Variants in BPIFC observed in about 807,000 individuals in gnomAD.
BPIFC encodes the protein BPI fold containing family C.
Under a neutral mutation model 57.6 loss-of-function variants are expected in BPIFC, and 60 were observed. The observed-to-expected ratio is 1.04, with a 90% CI of 0.85 to 1.29. BPIFC has a LOEUF of 1.29. Ranked by LOEUF, BPIFC falls within the 50% of genes most tolerant of loss-of-function variation. BPIFC has a pLI of 0.00. For missense variants in BPIFC, 581 were observed against 600.5 expected (o/e 0.97, Z 0.34); for synonymous variants, 243 against 224.5 (o/e 1.08, Z -0.74).
At chr22:32,417,177 T>G in intron 14 of BPIFC, 29 bp from the exon 15 acceptor site, 1 of 1,452,636 alleles carries the variant, frequency 6.9e-7, no homozygotes, top group Non-Finnish European at 9.5e-7. Context: ...TAGAATCAAT[T>G]GGCAGATCGG....
chr22:32,457,181 C>T (rs1935055608), intron 3 of BPIFC, 82 bp downstream of exon 3: 1 of 1,473,850 alleles, frequency 6.8e-7, no homozygotes, highest in South Asian at 1.5e-5. Flanking sequence ...CAGGAGACAG[C>T]CCATGTTATG....
At chr22:32,427,031 T>C (rs1270267083) in intron 13 of BPIFC, among the ~76,000 whole-genome samples, 1 of 152,092 alleles carries the variant, frequency 6.6e-6, no homozygotes, top group East Asian at 1.9e-4. Context: ...GCACCAGAAG[T>C]CTGCCCAGCG....
chr22:32,416,110 G>C, intron 15 of BPIFC, 119 bp from the exon 16 acceptor site: 1 of 553,578 alleles, frequency 1.8e-6, no homozygotes, highest in Non-Finnish European at 2.9e-6. Context: ...ATGGAGTTTT[G>C]CTCTTGTTGC....
chr22:32,414,094 G>A lies in BPIFC; in HGVS notation c.*209C>T. 1 of 442,774 alleles carries A rather than the reference G, an allele frequency of 2.3e-6. No homozygotes were observed. The highest frequency in any genetic ancestry group is 4.0e-6 in the Non-Finnish European group (1 of 252,498). The allele number at this position is 442,774 out of a possible 1,614,324, so 27.4% of individuals were successfully genotyped here. A position where few individuals can be genotyped will look rare whatever the true frequency, so the allele number is the denominator to read the frequency against. On this transcript the variant is annotated 3_prime_UTR_variant, in exon 17 of 17. Transcript: ENST00000300399. ...ACATAAACACAGACACACGCAGCATGCATACACTCACATTCAGACACCTCT... is the reference window on the plus strand; with the variant it reads ...ACATAAACACAGACACACGCAGCATACATACACTCACATTCAGACACCTCT...
chr22:32,450,643 T>G (rs1934871050), intron 4 of BPIFC, among the ~76,000 whole-genome samples: 1 of 152,052 alleles, frequency 6.6e-6, no homozygotes, highest in Non-Finnish European at 1.5e-5. Flanking sequence ...GTATGTATCT[T>G]ATACTCATGA....
intron 11 of BPIFC, 113 bp from the exon 12 acceptor site, chr22:32,432,656 GA>G (rs549467670): frequency 8.0e-6 from 8 of 997,520 alleles, no homozygotes; most frequent in Non-Finnish European, 7.3e-6. Context: ...AGTTAGAATA[GA>G]AAAAAAGCTC....
rs1230236240 is a variant in BPIFC at position 32,457,250 on chromosome 22, A to G, written c.124+13T>C. The G allele has an allele frequency of 3.8e-6, 6 of 1,586,720 alleles. No homozygotes were observed. The highest frequency in any genetic ancestry group is 5.1e-6 in the Non-Finnish European group (6 of 1,172,988). On this transcript the variant is annotated intron_variant, in intron 3 of 16. Coordinates refer to ENST00000300399, the MANE Select transcript of BPIFC (RefSeq NM_174932.3). ...TGGGCCTGAGGTCTGGCTTCTGAAA[A>G]CATCCAACTCACCATAGTCAAGTGC... is the stretch of plus-strand genomic sequence containing the variant.
chr22:32,420,757 C>T (rs898135337), intron 13 of BPIFC, among the ~76,000 whole-genome samples: 1 of 152,144 alleles, frequency 6.6e-6, no homozygotes, highest in African/African-American at 2.4e-5. Context: ...ATAATAGACA[C>T]GCTAATTGCC....
At position 32,427,041 on chromosome 22, in the gene BPIFC, G is replaced by A. The variant is rs533573041; in HGVS notation, c.1217+4306C>T. 3.9e-5 allele frequency among the ~76,000 whole-genome samples: 6 copies of A among 152,284 alleles called. No homozygotes were observed. The East Asian group carries it at 7.7e-4, about 20-fold the overall frequency. The stretch of plus-strand genomic sequence containing the variant: ...TCAGAGCACCAGAAGTCTGCCCAGC[G>A]GAGAATTTCCAGGAGACTGCTGGGC... On this transcript the variant is annotated intron_variant, in intron 13 of 16. Coordinates refer to ENST00000300399, the MANE Select transcript of BPIFC (RefSeq NM_174932.3).
At chr22:32,457,471 A>C (rs1160931388) in intron 2 of BPIFC, 85 bp from the exon 3 acceptor site, 286 of 1,493,498 alleles carry the variant, frequency 1.9e-4, no homozygotes, top group Non-Finnish European at 2.3e-4. Context: ...AGATTTTCTC[A>C]TTTTTACTGT....
rs541612039 is a variant in BPIFC at position 32,444,870 on chromosome 22, C to G, written c.594+765G>C. Among the ~76,000 whole-genome samples the G allele has an allele frequency of 4.2e-4, 64 of 152,214 alleles. No homozygotes were observed. In the South Asian group the frequency reaches 4.4e-3, roughly 10 times the overall value. ...AACCTCTCCTGCTCAATCTAATGAT[C>G]GTGTAACTGTATACTAAATTCAAGT... is the stretch of plus-strand genomic sequence containing the variant. On this transcript the variant is annotated intron_variant, in intron 7 of 16. Coordinates refer to ENST00000300399, the MANE Select transcript of BPIFC (RefSeq NM_174932.3).
chr22:32,457,664 C>T (rs994032404), intron 2 of BPIFC, among the ~76,000 whole-genome samples: 25 of 152,020 alleles, frequency 1.6e-4, no homozygotes, highest in Non-Finnish European at 3.1e-4. Flanking sequence ...AGCATGTGTT[C>T]TAGGTGCTAA....
intron 12 of BPIFC, among the ~76,000 whole-genome samples, chr22:32,431,651 C>T (rs562968214): frequency 1.6e-4 from 24 of 151,634 alleles, no homozygotes; most frequent in African/African-American, 4.8e-4. Context: ...TTCTCCTAAT[C>T]GCTCTTCTTT....
Position 32,414,071 on chromosome 22 carries a change from A to G in BPIFC, c.*232T>C, listed in dbSNP as rs1020977383. 3 of 335,350 alleles carry G rather than the reference A, an allele frequency of 8.9e-6. No homozygotes were observed. The highest frequency in any genetic ancestry group is 1.6e-5 in the Non-Finnish European group (3 of 188,222). The allele number at this position is 335,350 out of a possible 1,614,324, so 20.8% of individuals were successfully genotyped here. The stretch of plus-strand genomic sequence containing the variant: ...TCTTGCCCCAAACAAACAAACAAAC[A>G]TAAACACAGACACACGCAGCATGCA... On this transcript the variant is annotated 3_prime_UTR_variant, in exon 17 of 17. Coordinates refer to ENST00000300399, the MANE Select transcript of BPIFC (RefSeq NM_174932.3).
In BPIFC at chr22:32,453,596, A is replaced by T. The variant is rs73404923; in HGVS notation, c.125-93T>A. 424 of 1,404,602 alleles carry T rather than the reference A, an allele frequency of 3.0e-4. 3 individuals are homozygous for T. The African/African-American group carries it at 5.7e-3, about 19-fold the overall frequency. 87.0% of individuals were successfully genotyped at this position (1,404,602 alleles called of 1,614,324 possible). A position where few individuals can be genotyped will look rare whatever the true frequency, so the allele number is the denominator to read the frequency against. ...ACACAAATACAATTTATTGAGTGAGACATGCCCTTAGATACTTAGAAAATG... is the reference window on the plus strand; with the variant it reads ...ACACAAATACAATTTATTGAGTGAGTCATGCCCTTAGATACTTAGAAAATG... On this transcript the variant is annotated intron_variant, in intron 3 of 16. Coordinates refer to ENST00000300399, the MANE Select transcript of BPIFC (RefSeq NM_174932.3).
chr22:32,421,001 TATAAC>T (rs1025992259), intron 13 of BPIFC, among the ~76,000 whole-genome samples: 1 of 152,228 alleles, frequency 6.6e-6, no homozygotes, highest in African/African-American at 2.4e-5. Flanking sequence ...TGCTAACAGT[TATAAC>T]AGCACATAAT....
Position 32,437,821 on chromosome 22 carries a change from A to G in BPIFC, c.686T>C (p.Leu229Pro). 1 of 1,612,176 alleles carries G rather than the reference A, an allele frequency of 6.2e-7. No homozygotes were observed. Among genetic ancestry groups the G allele is most frequent in the Non-Finnish European group, 8.5e-7 (1 of 1,178,346 alleles). ...TGGAGAACTGATTAGGGAGTAATCC[A>G]GCAGAGTGTAGTTGTCAATCTTGGT... ...VLTKIDNYTL[L>P]DYSLISSPEI... The change falls in exon 9 of 17, where the codon CTG becomes CCG. Residue 229 changes from leucine to proline, a missense_variant. Physicochemically the swap from Leu to Pro is moderately conservative, Grantham distance 98. Transcript: ENST00000300399.
intron 13 of BPIFC, among the ~76,000 whole-genome samples, chr22:32,425,118 C>T (rs1439173001): frequency 1.3e-5 from 2 of 152,092 alleles, no homozygotes; most frequent in East Asian, 1.9e-4. Context: ...TTCACTACAT[C>T]AAAGGCAGTA....
At position 32,440,280 on chromosome 22, in the gene BPIFC, G is replaced by A. The variant is rs185943542; in HGVS notation, c.655+2391C>T. 1.2e-3 allele frequency among the ~76,000 whole-genome samples: 181 copies of A among 151,626 alleles called. 1 individual carries two copies. The highest frequency in any genetic ancestry group is 3.4e-3 in the African/African-American group (140 of 41,434). On this transcript the variant is annotated intron_variant, in intron 8 of 16. Coordinates refer to ENST00000300399, the MANE Select transcript of BPIFC (RefSeq NM_174932.3). ...CCTCCCTGTAGCTGGGACTAAAGGC[G>A]CACGCCACCATGCCTGGCTAATTAA...
Sources: gnomAD v4.1 joint callset for allele counts (sites outside exome capture counted in the v4.1 genomes callset) on GRCh38, gnomAD v4.1.1 for gene constraint, MANE v1.5 for transcripts, NCBI Gene and HGNC (gene_info 2026-07-23, HGNC 2026-07-21) for gene names.